Variants in STK33 observed in about 807,000 individuals in gnomAD.
STK33 encodes serine/threonine kinase 33.
STK33 carries 52 observed loss-of-function variants against 58.0 expected under a neutral mutation model. The ratio of observed to expected loss-of-function variants is 0.90; its 90% CI spans 0.72 to 1.13. The LOEUF (loss-of-function observed/expected upper bound fraction) is 1.13. Among genes scored for constraint, STK33 ranks in the 50% most tolerant of loss-of-function variants. The pLI is 0.00. For missense variants in STK33, 630 were observed against 604.2 expected, an observed-to-expected ratio of 1.04 and a Z score of -0.45; for synonymous variants, 215 against 200.1, an observed-to-expected ratio of 1.07 and a Z score of -0.63.
At chr11:8,457,511 C>A in intron 8 of STK33, 32 bp from the exon 9 acceptor site, 3 of 1,494,736 alleles carry the variant, frequency 2.0e-6, no homozygotes, top group Non-Finnish European at 2.7e-6. Context: ...AGAGAGAGAG[C>A]AAATTATATA....
At chr11:8,555,764 T>A (rs1956704640) in intron 1 of STK33, among the ~76,000 whole-genome samples, 1 of 152,174 alleles carries the variant, frequency 6.6e-6, no homozygotes, top group African/African-American at 2.4e-5. Flanking sequence ...ATTAGCTTGA[T>A]TTAATCACTC....
At chr11:8,373,814 C>A in the STK33 span, among the ~76,000 whole-genome samples, 1 of 152,152 alleles carries the variant, frequency 6.6e-6, no homozygotes, top group Non-Finnish European at 1.5e-5. Context: ...CTTCTGGGGG[C>A]CTCCCTGGAA....
At chr11:8,560,723 C>T (rs1471273910) in intron 1 of STK33, among the ~76,000 whole-genome samples, 1 of 152,106 alleles carries the variant, frequency 6.6e-6, no homozygotes, top group African/African-American at 2.4e-5. Context: ...TTACTTCAGG[C>T]CAGGCACTGT....
intron 1 of STK33, among the ~76,000 whole-genome samples, chr11:8,557,678 C>T (rs917087653): frequency 1.3e-5 from 2 of 151,754 alleles, no homozygotes; most frequent in Non-Finnish European, 1.5e-5. Flanking sequence ...CATGTTAGAA[C>T]CTCAAAAAGG....
intron 14 of STK33, among the ~76,000 whole-genome samples, chr11:8,423,651 A>C (rs989590288): frequency 6.6e-6 from 1 of 152,096 alleles, no homozygotes; most frequent in African/African-American, 2.4e-5. Flanking sequence ...CAATTTTGGT[A>C]AATATTCCAC....
intron 1 of STK33, among the ~76,000 whole-genome samples, chr11:8,586,969 C>G (rs1335262508): frequency 6.6e-6 from 1 of 151,902 alleles, no homozygotes; most frequent in Non-Finnish European, 1.5e-5. Flanking sequence ...GTGAATGACT[C>G]AAATTAGGGA....
chr11:8,385,900 G>T, the STK33 span, among the ~76,000 whole-genome samples: 1 of 151,630 alleles, frequency 6.6e-6, no homozygotes, highest in Non-Finnish European at 1.5e-5. Context: ...TCAGCCTCCC[G>T]AGTAGCTGGG....
chr11:8,448,916 T>C (rs1212199801), intron 11 of STK33, among the ~76,000 whole-genome samples: 1 of 148,936 alleles, frequency 6.7e-6, no homozygotes, highest in Non-Finnish European at 1.5e-5. Context: ...GAATCTACAA[T>C]GAACTCAAAC....
rs575572588 is a variant in STK33 at position 8,478,120 on chromosome 11, C to T, written c.-260-837G>A. Among the ~76,000 whole-genome samples the T allele has an allele frequency of 7.2e-5, 11 of 152,210 alleles. No individual in the cohort carries two copies. In the South Asian group the frequency reaches 1.7e-3, roughly 23 times the overall value. ...CTCACATTTATTTCTTTCTCATTTA[C>T]GAATTGATCTGAAAGATTTGTTACT... On this transcript the variant is annotated intron_variant, in intron 2 of 15. Transcript: ENST00000687296.
At chr11:8,538,588 C>A (rs188484375) in intron 1 of STK33, among the ~76,000 whole-genome samples, 486 of 152,202 alleles carry the variant, frequency 3.2e-3, no homozygotes, top group Middle Eastern at 6.8e-3. Context: ...TTTGTTGCCA[C>A]TAACTAAAGA....
chr11:8,473,401 T>C, intron 5 of STK33, 125 bp from the exon 6 acceptor site: 1 of 626,730 alleles, frequency 1.6e-6, no homozygotes, highest in Non-Finnish European at 2.8e-6. Context: ...TGCACAAGAT[T>C]GTTTACTGTC....
At chr11:8,461,069 T>C (rs1287018381) in intron 8 of STK33, among the ~76,000 whole-genome samples, 1 of 152,230 alleles carries the variant, frequency 6.6e-6, no homozygotes, top group African/African-American at 2.4e-5. Flanking sequence ...CAAGCCCATT[T>C]TACAGATGAG....
intron 1 of STK33, among the ~76,000 whole-genome samples, chr11:8,567,457 AAAT>A (rs1210528167): frequency 6.6e-6 from 1 of 152,232 alleles, no homozygotes; most frequent in Non-Finnish European, 1.5e-5. Flanking sequence ...GGCTGGAGGC[AAAT>A]AATAATTTCA....
intron 14 of STK33, among the ~76,000 whole-genome samples, chr11:8,417,422 T>C (rs1179855013): frequency 1.4e-4 from 21 of 152,116 alleles, no homozygotes; most frequent in Admixed American, 1.2e-3. Flanking sequence ...CCCAATCACA[T>C]TTCCTCATCT....
intron 14 of STK33, among the ~76,000 whole-genome samples, chr11:8,419,265 G>A (rs1166042305): frequency 2.0e-5 from 3 of 152,158 alleles, no homozygotes; most frequent in Admixed American, 6.5e-5. Context: ...TGTATATGGT[G>A]TAAGAAAGGG....
chr11:8,510,917 A>G (rs1952265792), intron 1 of STK33, among the ~76,000 whole-genome samples: 1 of 151,610 alleles, frequency 6.6e-6, no homozygotes, highest in African/African-American at 2.4e-5. Context: ...CTTGCAGTAT[A>G]TAATGTGATG....
intron 1 of STK33, among the ~76,000 whole-genome samples, chr11:8,574,445 T>C (rs1958039075): frequency 6.6e-6 from 1 of 152,128 alleles, no homozygotes; most frequent in African/African-American, 2.4e-5. Context: ...CTTTTTCTTT[T>C]TAAAATAACT....
chr11:8,443,339 A>G (rs1283460760), intron 11 of STK33, among the ~76,000 whole-genome samples: 2 of 152,208 alleles, frequency 1.3e-5, no homozygotes, highest in African/African-American at 4.8e-5. Context: ...ATCATTTGCA[A>G]AAGCTGATCA....
At chr11:8,568,091 C>A (rs1591828220) in intron 1 of STK33, among the ~76,000 whole-genome samples, 1 of 152,082 alleles carries the variant, frequency 6.6e-6, no homozygotes, top group African/African-American at 2.4e-5. Context: ...CAAGGTACTT[C>A]CTTAGTACAA....
Sources: allele counts gnomAD v4.1 joint callset (sites outside exome capture counted in the v4.1 genomes callset), GRCh38; gene constraint gnomAD v4.1.1; transcripts MANE v1.5; gene names NCBI Gene and HGNC (gene_info 2026-07-23, HGNC 2026-07-21).